The following SEPTIN9 variants were observed in gnomAD, a reference collection of about 807,000 sequenced individuals.
The protein encoded by SEPTIN9 is septin 9, also known as septin-9.
Under a neutral mutation model 56.6 loss-of-function variants are expected in SEPTIN9, and 13 were observed. The ratio of observed to expected loss-of-function variants is 0.23; its 90% CI spans 0.15 to 0.37. SEPTIN9 has a LOEUF of 0.37. Ranked by LOEUF, SEPTIN9 falls within the 10% of genes least tolerant of loss-of-function variation. SEPTIN9 has a pLI of 1.00. For missense variants in SEPTIN9, 650 were observed against 823.1 expected, an observed-to-expected ratio of 0.79 and a Z score of 2.57; for synonymous variants, 332 against 334.1, an observed-to-expected ratio of 0.99 and a Z score of 0.07.
rs547876540 is a variant in SEPTIN9, at chr17:77,458,223, G to C, written c.722-23921G>C. ...TGCCCTCACTCATTCAGCAGACCCC[G>C]TGCACAGCCCAGTGCAGGACTCAGG... On this transcript the variant is annotated intron_variant, in intron 3 of 11. Coordinates refer to ENST00000427177, the MANE Select transcript of SEPTIN9 (RefSeq NM_001113491.2). Among the ~76,000 whole-genome samples the C allele has an allele frequency of 7.9e-5, 12 of 152,288 alleles. No homozygotes were observed. The South Asian group carries it at 1.7e-3, about 21-fold the overall frequency.
intron 3 of SEPTIN9, among the ~76,000 whole-genome samples, chr17:77,411,397 C>CTTTTTT (rs55741267): frequency 1.4e-5 from 2 of 142,174 alleles, no homozygotes; most frequent in Non-Finnish European, 1.5e-5. Context: ...TTTTCTTTTT[C>CTTTTTT]TTTTTTTTTT....
rs60008660 is a variant in SEPTIN9 at position 77,425,436 on chromosome 17, G to A, written c.721+22733G>A. ...CGTGTCCCCAGGGTGAAGCCCACCCGAGTGTCACTCTGGATACAGCCCTCA... is the reference window on the plus strand; with the variant it reads ...CGTGTCCCCAGGGTGAAGCCCACCCAAGTGTCACTCTGGATACAGCCCTCA... On this transcript the variant is annotated intron_variant, in intron 3 of 11. Transcript: ENST00000427177. The surrounding 1 kb of genome is among the most constrained non-coding windows in gnomAD (Gnocchi z 4.2). Among the ~76,000 whole-genome samples the A allele has an allele frequency of 2.8e-3, 419 of 152,288 alleles. 1 individual carries two copies. Among genetic ancestry groups the A allele is most frequent in the African/African-American group, 9.3e-3 (385 of 41,552 alleles).
chr17:77,352,066 G>A (rs185224116), intron 2 of SEPTIN9, among the ~76,000 whole-genome samples: 88 of 152,272 alleles, frequency 5.8e-4, no homozygotes, highest in Non-Finnish European at 8.5e-4. Flanking sequence ...CTGTCCTGCG[G>A]CTGTCATAAC....
chr17:77,471,301 C>T (rs966227759), intron 3 of SEPTIN9, among the ~76,000 whole-genome samples: 1 of 152,200 alleles, frequency 6.6e-6, no homozygotes, highest in African/African-American at 2.4e-5. Flanking sequence ...GCCGTGCCTC[C>T]AGCCCCCTGC....
intron 1 of SEPTIN9, among the ~76,000 whole-genome samples, chr17:77,296,378 CAG>C (rs377206467): frequency 4.0e-5 from 6 of 150,824 alleles, no homozygotes; most frequent in South Asian, 2.1e-4. Flanking sequence ...GACAAGCGGA[CAG>C]AGAGAGAGAG....
At position 77,450,183 on chromosome 17, in the gene SEPTIN9, G is replaced by C. The variant is rs2037912149; in HGVS notation, c.722-31961G>C. Among the ~76,000 whole-genome samples the C allele has an allele frequency of 6.6e-6, 1 of 152,156 alleles. No individual in the cohort carries two copies. The highest frequency in any genetic ancestry group is 1.5e-5 in the Non-Finnish European group (1 of 68,032). On this transcript the variant is annotated intron_variant, in intron 3 of 11. Coordinates refer to ENST00000427177, the MANE Select transcript of SEPTIN9 (RefSeq NM_001113491.2). This position sits in a 1 kb window ranked among gnomAD's most constrained non-coding sequence, Gnocchi z 6.0. ...TGGCCATGAGGAGTGGGAAGCGACG[G>C]GTCAGATGCCAGTGACTGCTGGCTG...
intron 2 of SEPTIN9, among the ~76,000 whole-genome samples, chr17:77,308,456 G>A (rs1049460201): frequency 6.6e-6 from 1 of 152,240 alleles, no homozygotes; most frequent in African/African-American, 2.4e-5. Flanking sequence ...TTCTGTGATG[G>A]TGGGTCTGTT....
chr17:77,409,469 G>A (rs762401058), intron 3 of SEPTIN9, among the ~76,000 whole-genome samples: 3 of 149,760 alleles, frequency 2.0e-5, no homozygotes, highest in South Asian at 2.1e-4. Flanking sequence ...AGCGGGTGCC[G>A]AGCAGCTGTG....
rs918136222 is a variant in SEPTIN9, at chr17:77,367,235, G to A, written c.77-34824G>A. ...TGTAAAGAGAGAAGGGGTTCCGGGG[G>A]CTTGGCCCAGGTGGAAACCATGCAC... is the stretch of plus-strand genomic sequence containing the variant. On this transcript the variant is annotated intron_variant, in intron 2 of 11. Transcript: ENST00000427177. This position sits in a 1 kb window ranked among gnomAD's most constrained non-coding sequence, Gnocchi z 4.5. Among the ~76,000 whole-genome samples the A allele has an allele frequency of 6.6e-6, 1 of 152,190 alleles. No individual in the cohort carries two copies. Among genetic ancestry groups the A allele is most frequent in the Non-Finnish European group, 1.5e-5 (1 of 68,034 alleles).
Position 77,289,407 on chromosome 17 carries a change from CT to C in SEPTIN9, c.19+7871del, listed in dbSNP as rs572213399. On this transcript the variant is annotated intron_variant, in intron 1 of 11. Coordinates refer to ENST00000427177, the MANE Select transcript of SEPTIN9 (RefSeq NM_001113491.2). ...CTACCGCGCCCAGCTTGCATTTATG[CT>C]TTTTTTTTTTTTTTTTTGAGATGGA... Among the ~76,000 whole-genome samples the C allele has an allele frequency of 5.1e-3, 523 of 102,518 alleles. 1 individual carries two copies. Among genetic ancestry groups the C allele is most frequent in the African/African-American group, 6.2e-3 (160 of 25,686 alleles). The allele number at this position is 102,518 out of a possible 152,430, so 67.3% of individuals were successfully genotyped here.
intron 2 of SEPTIN9, among the ~76,000 whole-genome samples, chr17:77,381,399 C>G (rs1402434664): frequency 6.6e-6 from 1 of 151,666 alleles, no homozygotes; most frequent in East Asian, 1.9e-4. Context: ...GGATCTCCTT[C>G]TGTCCCCACC....
At chr17:77,382,793 G>A (rs2035191419) in intron 2 of SEPTIN9, among the ~76,000 whole-genome samples, 1 of 152,174 alleles carries the variant, frequency 6.6e-6, no homozygotes, top group Non-Finnish European at 1.5e-5. Context: ...ACCTTTGCAG[G>A]CCCAGTACTG....
At position 77,343,003 on chromosome 17, in the gene SEPTIN9, G is replaced by GTCTGTCTGTCTGTCTATCTATCTA. The variant is rs71160228; in HGVS notation, c.76+35809_76+35810insGTCTGTCTGTCTATCTATCTATCT. 3.5e-3 allele frequency among the ~76,000 whole-genome samples: 514 copies of GTCTGTCTGTCTGTCTATCTATCTA among 147,244 alleles called. 7 individuals carry two copies. Among genetic ancestry groups the GTCTGTCTGTCTGTCTATCTATCTA allele is most frequent in the African/African-American group, 0.013 (491 of 39,102 alleles). ...AATCAATGTATCTGTCTGTCTGTCT[G>GTCTGTCTGTCTGTCTATCTATCTA]TCTATCTATCTATCTATCTATCTAT... On this transcript the variant is annotated intron_variant, in intron 2 of 11. Transcript: ENST00000427177.
chr17:77,436,510 C>T lies in SEPTIN9; in HGVS notation c.721+33807C>T, dbSNP rs1328360251. Among the ~76,000 whole-genome samples the T allele has an allele frequency of 6.6e-6, 1 of 152,224 alleles. No homozygotes were observed. Among genetic ancestry groups the T allele is most frequent in the Admixed American group, 6.5e-5 (1 of 15,288 alleles). On this transcript the variant is annotated intron_variant, in intron 3 of 11. Coordinates refer to ENST00000427177, the MANE Select transcript of SEPTIN9 (RefSeq NM_001113491.2). This position sits in a 1 kb window ranked among gnomAD's most constrained non-coding sequence, Gnocchi z 4.4. Reference sequence around the variant, plus strand: ...GAGCCAGCGGGGTGGGGGTATCCAGCAAGAGCTCCTTCCCATCCTCCCACT... The same window carrying T: ...GAGCCAGCGGGGTGGGGGTATCCAGTAAGAGCTCCTTCCCATCCTCCCACT...
Position 77,499,213 on chromosome 17 carries a change from T to C in SEPTIN9, c.*555T>C, listed in dbSNP as rs927360972. ...TGCCCTGCTCCTAAGGGTAGAAAAC[T>C]CCAGGGTCCCCTGCCACCGACTGCC... On this transcript the variant is annotated 3_prime_UTR_variant, in exon 12 of 12. Transcript: ENST00000427177. 1 of 565,544 alleles carries C rather than the reference T, an allele frequency of 1.8e-6. No individual in the cohort carries two copies. Among genetic ancestry groups the C allele is most frequent in the Non-Finnish European group, 3.4e-6 (1 of 293,118 alleles). 35.0% of individuals were successfully genotyped at this position (565,544 alleles called of 1,614,324 possible). A position where few individuals can be genotyped will look rare whatever the true frequency, so the allele number is the denominator to read the frequency against.
chr17:77,382,126 C>T (rs2035166161), intron 2 of SEPTIN9, among the ~76,000 whole-genome samples: 1 of 152,108 alleles, frequency 6.6e-6, no homozygotes, highest in Non-Finnish European at 1.5e-5. Context: ...CTCCTGGGTT[C>T]AAGCGATTCT....
intron 1 of SEPTIN9, among the ~76,000 whole-genome samples, chr17:77,288,491 C>T (rs1046321474): frequency 3.9e-5 from 6 of 152,226 alleles, no homozygotes; most frequent in South Asian, 2.1e-4. Context: ...CTGGGCAGAG[C>T]AGGCGGGTGG....
chr17:77,302,962 G>A (rs547426678), intron 1 of SEPTIN9, among the ~76,000 whole-genome samples: 4 of 152,158 alleles, frequency 2.6e-5, no homozygotes, highest in Admixed American at 2.0e-4. Context: ...AGCCCCGCTC[G>A]TCTCCTGTCT....
At chr17:77,282,200 C>T (rs1304375627) in intron 1 of SEPTIN9, among the ~76,000 whole-genome samples, 1 of 152,208 alleles carries the variant, frequency 6.6e-6, no homozygotes, top group Non-Finnish European at 1.5e-5. Flanking sequence ...TAAGAGGCTC[C>T]CGCTCTGGCA....
Sources: allele counts gnomAD v4.1 joint callset (sites outside exome capture counted in the v4.1 genomes callset), GRCh38; gene constraint gnomAD v4.1.1; non-coding constraint Gnocchi (gnomAD v3.1); transcripts MANE v1.5; gene names NCBI Gene and HGNC (gene_info 2026-07-23, HGNC 2026-07-21).